MIPOL1: variants seen among roughly 807,000 people sequenced by gnomAD.
The protein encoded by MIPOL1 is mirror-image polydactyly 1, also known as mirror-image polydactyly gene 1 protein.
In MIPOL1, 57 loss-of-function variants were observed where a neutral mutation model predicts 60.9. The observed-to-expected ratio is 0.94, with a 90% CI of 0.76 to 1.17. MIPOL1 has a LOEUF of 1.17. Among genes scored for constraint, MIPOL1 ranks in the 50% most tolerant of loss-of-function variants. The pLI is 0.00. For synonymous variants in MIPOL1, 179 were observed against 168.8 expected, an observed-to-expected ratio of 1.06 and a Z score of -0.47; for missense variants, 551 against 511.6, an observed-to-expected ratio of 1.08 and a Z score of -0.74.
chr14:37,519,162 G>T (rs1263617845), intron 12 of MIPOL1, among the ~76,000 whole-genome samples: 1 of 152,130 alleles, frequency 6.6e-6, no homozygotes, highest in East Asian at 1.9e-4. Flanking sequence ...CTTGGTACTA[G>T]AATCAATCAG....
chr14:37,426,573 A>ATATATATATATATATATATG (rs2093966092), intron 11 of MIPOL1, among the ~76,000 whole-genome samples: 1 of 75,228 alleles, frequency 1.3e-5, no homozygotes, highest in Non-Finnish European at 3.2e-5. Context: ...AAATATACAT[A>ATATATATATATATATATATG]TATATATATA....
intron 1 of MIPOL1, among the ~76,000 whole-genome samples, chr14:37,244,518 A>G (rs1292701264): frequency 6.6e-6 from 1 of 151,952 alleles, no homozygotes; most frequent in African/African-American, 2.4e-5. Flanking sequence ...ACAGCTGCTC[A>G]TATATCCTCT....
At chr14:37,357,390 C>G (rs2091921359) in intron 9 of MIPOL1, among the ~76,000 whole-genome samples, 2 of 150,440 alleles carry the variant, frequency 1.3e-5, no homozygotes, top group African/African-American at 4.9e-5. Flanking sequence ...CCCTTTTCAC[C>G]CTTTTTCCAC....
chr14:37,534,043 A>G (rs1001167727), intron 12 of MIPOL1, among the ~76,000 whole-genome samples: 6 of 148,874 alleles, frequency 4.0e-5, no homozygotes, highest in African/African-American at 1.3e-4. Flanking sequence ...AGCCAAGATC[A>G]TGCCACTGCA....
At chr14:37,235,027 G>A (rs1971251404) in intron 1 of MIPOL1, among the ~76,000 whole-genome samples, 1 of 141,836 alleles carries the variant, frequency 7.1e-6, no homozygotes, top group Non-Finnish European at 1.5e-5. Flanking sequence ...TCCTGACCTT[G>A]TGATCCGCCT....
At chr14:37,467,868 A>G (rs1802437452) in intron 11 of MIPOL1, among the ~76,000 whole-genome samples, 1 of 151,948 alleles carries the variant, frequency 6.6e-6, no homozygotes, top group African/African-American at 2.4e-5. Context: ...AGCCTGGCCA[A>G]CATGGTGAAA....
chr14:37,292,736 C>T (rs1191539643), intron 7 of MIPOL1, among the ~76,000 whole-genome samples: 4 of 151,740 alleles, frequency 2.6e-5, no homozygotes, highest in Admixed American at 6.6e-5. Context: ...CTGCCTCGGC[C>T]TCCCAAAGTG....
At chr14:37,290,688 A>T (rs143680837) in intron 7 of MIPOL1, among the ~76,000 whole-genome samples, 30 of 152,230 alleles carry the variant, frequency 2.0e-4, no homozygotes, top group African/African-American at 6.5e-4. Flanking sequence ...CCTTTATTTC[A>T]TGGAAATTTT....
chr14:37,495,848 T>G (rs2095118979), intron 11 of MIPOL1, among the ~76,000 whole-genome samples: 1 of 151,594 alleles, frequency 6.6e-6, no homozygotes, highest in African/African-American at 2.4e-5. Flanking sequence ...TATCTCATTG[T>G]GGTTTTGATT....
At chr14:37,506,038 T>G (rs993777226) in intron 12 of MIPOL1, 1 of 152,078 alleles carries the variant, frequency 6.6e-6, no homozygotes, top group Non-Finnish European at 1.5e-5. Context: ...TGAATCCAAC[T>G]TACAAGGGAT....
intron 11 of MIPOL1, among the ~76,000 whole-genome samples, chr14:37,461,496 G>A (rs1413558594): frequency 3.3e-5 from 5 of 152,078 alleles, no homozygotes; most frequent in East Asian, 1.9e-4. Flanking sequence ...GGGACACAGA[G>A]CCAAACTATA....
intron 1 of MIPOL1, among the ~76,000 whole-genome samples, chr14:37,223,799 C>G (rs1298904240): frequency 1.3e-5 from 2 of 152,118 alleles, no homozygotes; most frequent in Admixed American, 6.5e-5. Flanking sequence ...CCCTGCCTGG[C>G]CCCTCCTGGG....
At chr14:37,305,010 C>T (rs1425170942) in intron 7 of MIPOL1, among the ~76,000 whole-genome samples, 2 of 151,680 alleles carry the variant, frequency 1.3e-5, no homozygotes, top group Non-Finnish European at 3.0e-5. Context: ...TTATTTAAAT[C>T]AGTAAAGTAT....
At chr14:37,450,680 TTTCTC>T (rs2094404360) in intron 11 of MIPOL1, among the ~76,000 whole-genome samples, 1 of 152,132 alleles carries the variant, frequency 6.6e-6, no homozygotes, top group African/African-American at 2.4e-5. Flanking sequence ...ATTTGATAGT[TTTCTC>T]TTTCGTTTTT....
At chr14:37,517,430 A>G (rs1019690716) in intron 12 of MIPOL1, among the ~76,000 whole-genome samples, 1 of 152,176 alleles carries the variant, frequency 6.6e-6, no homozygotes, top group Non-Finnish European at 1.5e-5. Context: ...GGTTCTGTGC[A>G]TTCTCATACA....
intron 11 of MIPOL1, among the ~76,000 whole-genome samples, chr14:37,460,937 T>C (rs2094532084): frequency 6.6e-6 from 1 of 152,158 alleles, no homozygotes; most frequent in Admixed American, 6.5e-5. Context: ...CCCAAAGGAA[T>C]ATACAGATTC....
At chr14:37,281,133 A>G (rs1273691569) in intron 6 of MIPOL1, among the ~76,000 whole-genome samples, 1 of 152,126 alleles carries the variant, frequency 6.6e-6, no homozygotes, top group Non-Finnish European at 1.5e-5. Context: ...TAGTAGTTTT[A>G]TAATTTCCAG....
chr14:37,530,821 A>ATT (rs753614964), intron 12 of MIPOL1, among the ~76,000 whole-genome samples: 4 of 145,216 alleles, frequency 2.8e-5, no homozygotes, highest in Non-Finnish European at 4.6e-5. Context: ...TGTAGAAAGG[A>ATT]TTTTTTTTTT....
At chr14:37,486,565 T>A (rs986349965) in intron 11 of MIPOL1, among the ~76,000 whole-genome samples, 3 of 152,178 alleles carry the variant, frequency 2.0e-5, no homozygotes, top group Non-Finnish European at 4.4e-5. Flanking sequence ...TGAATCGTAT[T>A]CCTAGATATT....
Sources: allele counts gnomAD v4.1 joint callset (sites outside exome capture counted in the v4.1 genomes callset), GRCh38; gene constraint gnomAD v4.1.1; transcripts MANE v1.5; gene names NCBI Gene and HGNC (gene_info 2026-07-23, HGNC 2026-07-21).